SMAD9: variants seen among roughly 807,000 people sequenced by gnomAD.
The protein encoded by SMAD9 is SMAD family member 9, also known as MAD homolog 9.
Under a neutral mutation model 46.1 loss-of-function variants are expected in SMAD9, and 36 were observed. The ratio of observed to expected loss-of-function variants is 0.78; its 90% CI spans 0.60 to 1.03. The LOEUF (loss-of-function observed/expected upper bound fraction) is 1.03. Among genes scored for constraint, SMAD9 ranks in the 50% least tolerant of loss-of-function variants. The pLI is 0.00. For synonymous variants in SMAD9, 245 were observed against 237.1 expected, an observed-to-expected ratio of 1.03 and a Z score of -0.31; for missense variants, 572 against 599.8, an observed-to-expected ratio of 0.95 and a Z score of 0.48.
rs1156407688 is a variant in SMAD9, at chr13:36,879,674, G to C, written c.16C>G (p.Pro6Ala). 32 of 1,614,064 alleles carry C rather than the reference G, an allele frequency of 2.0e-5. No individual in the cohort carries two copies. Among genetic ancestry groups the C allele is most frequent in the Non-Finnish European group, 2.4e-5 (28 of 1,180,058 alleles). Residue 6 changes from proline to alanine, a missense_variant, in exon 2 of 7, where the codon CCC becomes GCC. Transcript: ENST00000379826. MHSTTPISSLFSFTSP... is the reference protein window; with the variant it reads MHSTTAISSLFSFTSP... ...GTGAAGGAGAAGAGGGAGCTGATGG[G>C]GGTGGTGGAGTGCATAAGAGGCCAC...
chr13:36,917,109 AG>A (rs903118489), intron 1 of SMAD9, among the ~76,000 whole-genome samples: 1 of 152,136 alleles, frequency 6.6e-6, no homozygotes, highest in African/African-American at 2.4e-5. Context: ...GTTTTGGGGT[AG>A]GAAGTGTCAG....
At chr13:36,856,450 A>G (rs1388469803) in intron 5 of SMAD9, among the ~76,000 whole-genome samples, 1 of 152,218 alleles carries the variant, frequency 6.6e-6, no homozygotes, top group Non-Finnish European at 1.5e-5. Context: ...GAGCCTGGGC[A>G]GGTAGGCAGT....
chr13:36,867,534 A>T (rs1298183918), intron 3 of SMAD9, among the ~76,000 whole-genome samples, 151 bp from the exon 4 acceptor site: 1 of 152,192 alleles, frequency 6.6e-6, no homozygotes, highest in Non-Finnish European at 1.5e-5. Context: ...GGCTCTTCTG[A>T]AGTGACACTG....
At chr13:36,898,111 G>A (rs1351567607) in intron 1 of SMAD9, among the ~76,000 whole-genome samples, 1 of 151,916 alleles carries the variant, frequency 6.6e-6, no homozygotes, top group East Asian at 1.9e-4. Flanking sequence ...GCCCGCCTCG[G>A]CCTCCCAAAG....
At chr13:36,868,408 T>C (rs2058256307) in intron 3 of SMAD9, among the ~76,000 whole-genome samples, 1 of 152,212 alleles carries the variant, frequency 6.6e-6, no homozygotes, top group African/African-American at 2.4e-5. Context: ...CAAGATGACC[T>C]TTTTGTAGGT....
chr13:36,916,449 G>C (rs1481040726), intron 1 of SMAD9, among the ~76,000 whole-genome samples: 1 of 152,166 alleles, frequency 6.6e-6, no homozygotes, highest in African/African-American at 2.4e-5. Context: ...TCAGGCCTCT[G>C]AACTAGTCCT....
rs371370412 is a variant in SMAD9, at chr13:36,865,634, G to A, written c.906C>T (p.Thr302=). 19 of 1,614,068 alleles carry A rather than the reference G, an allele frequency of 1.2e-5. No individual in the cohort carries two copies. The highest frequency in any genetic ancestry group is 2.2e-5 in the East Asian group (1 of 44,884). ...SSRSVLIDGF[T]DPSNNRNRFC... ...ATCTGTTCCTGTTATTTGAAGGGTCGGTGAACCCATCTATGAGCACACTTC... is the reference window on the plus strand; with the variant it reads ...ATCTGTTCCTGTTATTTGAAGGGTCAGTGAACCCATCTATGAGCACACTTC... Residue 302 remains threonine, a synonymous_variant, in exon 5 of 7, where the codon ACC becomes ACT. Transcript: ENST00000379826.
intron 3 of SMAD9, among the ~76,000 whole-genome samples, chr13:36,869,414 G>T (rs2138411132): frequency 1.3e-5 from 2 of 152,066 alleles, no homozygotes; most frequent in South Asian, 2.1e-4. Flanking sequence ...TAGAGACAGG[G>T]TTTCACCATG....
intron 1 of SMAD9, among the ~76,000 whole-genome samples, chr13:36,897,901 G>A (rs1432308763): frequency 7.2e-6 from 1 of 138,890 alleles, no homozygotes; most frequent in Admixed American, 7.9e-5. Context: ...CTGTTGCCCA[G>A]GCTGGAGTGC....
At chr13:36,916,813 G>A (rs2058701804) in intron 1 of SMAD9, among the ~76,000 whole-genome samples, 1 of 151,338 alleles carries the variant, frequency 6.6e-6, no homozygotes, top group Non-Finnish European at 1.5e-5. Flanking sequence ...GTCCCGTGAA[G>A]GCAGCGCCTG....
In SMAD9 at chr13:36,848,061, T is replaced by C. The variant is rs671860; in HGVS notation, c.*615A>G. 0.06 allele frequency: 9,148 copies of C among 152,578 alleles called. 527 individuals carry two copies. The highest frequency in any genetic ancestry group is 0.14 in the African/African-American group (5,858 of 41,536). 9.5% of individuals were successfully genotyped at this position (152,578 alleles called of 1,614,324 possible). On this transcript the variant is annotated 3_prime_UTR_variant, in exon 7 of 7. Coordinates refer to ENST00000379826, the MANE Select transcript of SMAD9 (RefSeq NM_001127217.3). ...CATGACTTTTGGCTTCACAGTTTTT[T>C]TTCTTTTCCGATCACAGTTTGTTTA... is the stretch of plus-strand genomic sequence containing the variant.
chr13:36,869,880 A>G (rs1162996435), intron 3 of SMAD9, among the ~76,000 whole-genome samples: 1 of 152,184 alleles, frequency 6.6e-6, no homozygotes, highest in Non-Finnish European at 1.5e-5. Context: ...TTTCACCACT[A>G]CTTGAAAAAA....
At chr13:36,852,355 C>T (rs2058081525) in intron 6 of SMAD9, 1 of 985,170 alleles carries the variant, frequency 1.0e-6, no homozygotes, top group Non-Finnish European at 1.2e-6. Context: ...TACCCCGATA[C>T]TTTGATAAGC....
chr13:36,894,101 A>G (rs11619849), intron 1 of SMAD9, among the ~76,000 whole-genome samples: 35,160 of 152,156 alleles, frequency 0.23, 4,169 homozygotes, highest in African/African-American at 0.26. Context: ...CTAGAATAGC[A>G]TTAGAACAAT....
chr13:36,857,843 G>T (rs905084959), intron 5 of SMAD9, among the ~76,000 whole-genome samples: 1 of 152,116 alleles, frequency 6.6e-6, no homozygotes, highest in Admixed American at 6.6e-5. Flanking sequence ...AAACCTAAAC[G>T]TCCCAACACA....
rs754412108 is a variant in SMAD9, at chr13:36,879,710, G to T, written c.-21C>A. 1.2e-6 allele frequency: 2 copies of T among 1,612,784 alleles called. No individual in the cohort carries two copies. Among genetic ancestry groups the T allele is most frequent in the African/African-American group, 1.3e-5 (1 of 74,914 alleles). On this transcript the variant is annotated 5_prime_UTR_variant, in exon 2 of 7. Transcript: ENST00000379826. ...TGCATAAGAGGCCACAGCAGGCTCC[G>T]GCGCGCACGGGAACCGCACAGCCCT... is the stretch of plus-strand genomic sequence containing the variant.
intron 1 of SMAD9, among the ~76,000 whole-genome samples, chr13:36,902,417 AGT>A (rs1461686481): frequency 6.6e-6 from 1 of 151,634 alleles, no homozygotes; most frequent in Non-Finnish European, 1.5e-5. Flanking sequence ...TTTGTAGTTA[AGT>A]TTTAAAATTA....
chr13:36,869,942 G>T (rs972690658), intron 3 of SMAD9, among the ~76,000 whole-genome samples: 27 of 152,068 alleles, frequency 1.8e-4, no homozygotes, highest in Non-Finnish European at 3.7e-4. Context: ...GTGGTTGTAT[G>T]GTATGTGAAT....
Position 36,896,415 on chromosome 13 carries a change from G to C in SMAD9, c.-186-16540C>G, listed in dbSNP as rs552061362. Reference sequence around the variant, plus strand: ...CCCAAAGTGTTGGGCTTACAGGTGCGAGACACCAGACCCGGCCGATTTTTT... The same window carrying C: ...CCCAAAGTGTTGGGCTTACAGGTGCCAGACACCAGACCCGGCCGATTTTTT... On this transcript the variant is annotated intron_variant, in intron 1 of 6. Transcript: ENST00000379826. Among the ~76,000 whole-genome samples the C allele has an allele frequency of 1.8e-4, 27 of 152,234 alleles. No homozygotes were observed. In the South Asian group the frequency reaches 5.2e-3, roughly 29 times the overall value.
Sources: gnomAD v4.1 joint callset for allele counts (sites outside exome capture counted in the v4.1 genomes callset) on GRCh38, gnomAD v4.1.1 for gene constraint, MANE v1.5 for transcripts, NCBI Gene and HGNC (gene_info 2026-07-23, HGNC 2026-07-21) for gene names.